The following NR5A1 variants were observed in gnomAD, a reference collection of about 807,000 sequenced individuals.
The protein encoded by NR5A1 is nuclear receptor subfamily 5 group A member 1.
Under a neutral mutation model 42.7 loss-of-function variants are expected in NR5A1, and 6 were observed. The ratio of observed to expected loss-of-function variants is 0.14; its 90% confidence interval spans 0.08 to 0.28. NR5A1 has a LOEUF of 0.28. NR5A1 is among the 10% of genes least tolerant of loss of function. The probability of loss-of-function intolerance (pLI) is 1.00; values close to 1 mark genes in which losing one functional copy is unlikely to be tolerated. For synonymous variants in NR5A1, 274 were observed against 277.5 expected (o/e 0.99, Z 0.12); for missense variants, 442 against 626.4 (o/e 0.71, Z 3.14).
In NR5A1 at chr9:124,496,197, CA is replaced by C. The variant is rs1224773859; in HGVS notation, c.871-3049del. On this transcript the variant is annotated intron_variant, in intron 4 of 6. Coordinates refer to ENST00000373588, the MANE Select transcript of NR5A1 (RefSeq NM_004959.5). The surrounding 1 kb of genome is among the most constrained non-coding windows in gnomAD (Gnocchi z 5.0). Reference sequence around the variant, plus strand: ...AGATGAGAATGCGCACACACACACACACACACACACAACCTCTTTTTATTTA... The same window carrying C: ...AGATGAGAATGCGCACACACACACACCACACACACAACCTCTTTTTATTTA... Among the ~76,000 whole-genome samples, 1 of 151,480 alleles carries C rather than the reference CA, an allele frequency of 6.6e-6. No homozygotes were observed. The highest frequency in any genetic ancestry group is 1.5e-5 in the Non-Finnish European group (1 of 68,024).
rs1564150329 is a variant in NR5A1 at position 124,493,125 on chromosome 9, G to T, written c.895C>A (p.Gln299Lys). 6.2e-7 allele frequency: 1 copy of T among 1,611,846 alleles called. No individual in the cohort carries two copies. The highest frequency in any genetic ancestry group is 8.5e-7 in the Non-Finnish European group (1 of 1,179,302). The change falls in exon 5 of 7, where the codon CAG becomes AAG. Residue 299 changes from glutamine to lysine, a missense_variant. Coordinates refer to ENST00000373588, the MANE Select transcript of NR5A1 (RefSeq NM_004959.5). ...ACCAGCAGCTCGCTCCAGCAGTTCT[G>T]CAGCAGCGTCATCTGGTCGGCCACC... ...LEVADQMTLL[Q>K]NCWSELLVFD...
In NR5A1 at chr9:124,500,362, G is replaced by C; in HGVS notation, c.598C>G (p.Pro200Ala). Residue 200 changes from proline (P) to alanine (A), a missense_variant, in exon 4 of 7, where the codon CCT becomes GCT. By Grantham distance (27) the Pro-to-Ala change is conservative. This residue lies in a region of NR5A1 where 208 missense variants were observed against 203.8 expected (regional missense o/e 1.02). Transcript: ENST00000373588. The surrounding 1 kb of genome is among the most constrained non-coding windows in gnomAD (Gnocchi z 6.9). ...CCAGGCTGTGGGGGGCTGGCATAAGGCTCCGGGTACTCAGACTTGATGGCA... is the reference window on the plus strand; with the variant it reads ...CCAGGCTGTGGGGGGCTGGCATAAGCCTCCGGGTACTCAGACTTGATGGCA... ...GRAIKSEYPE[P>A]YASPPQPGLP... 4.5e-6 allele frequency: 7 copies of C among 1,556,352 alleles called. No individual in the cohort carries two copies. Among genetic ancestry groups the C allele is most frequent in the Non-Finnish European group, 6.1e-6 (7 of 1,150,442 alleles).
chr9:124,491,036 C>CCCCCCCCCAGGGGG, intron 6 of NR5A1, 45 bp downstream of exon 6: 1 of 1,401,600 alleles, frequency 7.1e-7, no homozygotes, highest in Non-Finnish European at 9.6e-7. Flanking sequence ...CCCACCCACC[C>CCCCCCCCCAGGGGG]GCCTCTGGCT....
In NR5A1 at chr9:124,498,658, C is replaced by T. The variant is rs1029947853; in HGVS notation, c.870+1432G>A. Among the ~76,000 whole-genome samples, 1 of 152,232 alleles carries T rather than the reference C, an allele frequency of 6.6e-6. No homozygotes were observed. Among genetic ancestry groups the T allele is most frequent in the Non-Finnish European group, 1.5e-5 (1 of 68,038 alleles). On this transcript the variant is annotated intron_variant, in intron 4 of 6. Coordinates refer to ENST00000373588, the MANE Select transcript of NR5A1 (RefSeq NM_004959.5). This position sits in a 1 kb window ranked among gnomAD's most constrained non-coding sequence, Gnocchi z 4.6. ...CCCCACCAGGGCCTCCAGCCATGAG[C>T]AGAAGGCAGGTGGGAGTATTCAAGA...
intron 5 of NR5A1, 145 bp from the exon 6 acceptor site, chr9:124,491,373 C>G: frequency 3.1e-6 from 2 of 648,688 alleles, no homozygotes; most frequent in East Asian, 2.7e-5. Flanking sequence ...GCCTTGGTGC[C>G]GAGCCAGGCA....
intron 6 of NR5A1, among the ~76,000 whole-genome samples, chr9:124,484,329 C>T (rs1167550771): frequency 2.6e-5 from 4 of 152,132 alleles, no homozygotes; most frequent in South Asian, 4.1e-4. Context: ...CCCAAGGAGT[C>T]GTGTGCAATA....
intron 6 of NR5A1, among the ~76,000 whole-genome samples, chr9:124,483,388 G>A (rs1171000210): frequency 6.6e-6 from 1 of 152,228 alleles, no homozygotes; most frequent in Non-Finnish European, 1.5e-5. Context: ...TCCCTGGGCA[G>A]TTATTGAACC....
chr9:124,494,164 C>T (rs908675685), intron 4 of NR5A1, among the ~76,000 whole-genome samples: 5 of 152,242 alleles, frequency 3.3e-5, no homozygotes, highest in Admixed American at 2.6e-4. Flanking sequence ...ACCCAAAAGA[C>T]ACTTCTGGCG....
At chr9:124,490,319 T>C (rs1049085771) in intron 6 of NR5A1, among the ~76,000 whole-genome samples, 4 of 152,188 alleles carry the variant, frequency 2.6e-5, no homozygotes, top group Admixed American at 6.5e-5. Flanking sequence ...GGGACAGCTA[T>C]GTCCTCAGCA....
chr9:124,500,046 G>C lies in NR5A1; in HGVS notation c.870+44C>G. On this transcript the variant is annotated intron_variant, in intron 4 of 6. Transcript: ENST00000373588. This position sits in a 1 kb window ranked among gnomAD's most constrained non-coding sequence, Gnocchi z 6.9. ...GTCGGGCTAAGGCTTGGGCAGCCGG[G>C]AGGACCATGATGCAGGGCCAGCCGG... The C allele has an allele frequency of 6.2e-7, 1 of 1,612,938 alleles. No individual in the cohort carries two copies. The highest frequency in any genetic ancestry group is 1.1e-5 in the South Asian group (1 of 91,052).
chr9:124,501,415 G>A lies in NR5A1; in HGVS notation c.245-700C>T, dbSNP rs1359126798. ...GCTGGGGGAGGGGACCTCTCTTGCC[G>A]ACTAGAAGCTCCTCCGCCTGGCGAG... is the stretch of plus-strand genomic sequence containing the variant. On this transcript the variant is annotated intron_variant, in intron 3 of 6. Transcript: ENST00000373588. The surrounding 1 kb of genome is among the most constrained non-coding windows in gnomAD (Gnocchi z 4.1). 6.6e-6 allele frequency among the ~76,000 whole-genome samples: 1 copy of A among 152,226 alleles called. No individual in the cohort carries two copies. Among genetic ancestry groups the A allele is most frequent in the Admixed American group, 6.5e-5 (1 of 15,286 alleles).
At position 124,503,161 on chromosome 9, in the gene NR5A1, GCT is replaced by G; in HGVS notation, c.160_161del (p.Ser54LeufsTer32). 6.2e-7 allele frequency: 1 copy of G among 1,600,486 alleles called. No individual in the cohort carries two copies. Among genetic ancestry groups the G allele is most frequent in the Non-Finnish European group, 8.5e-7 (1 of 1,174,522 alleles). ...NKHYTCTESQ[S>X]CKIDKTQRKR... ...TGCGCTGCGTCTTGTCGATCTTGCA[GCT>G]CTGGCTCTCGGTGCACGTGTAGTGC... On this transcript the variant is annotated frameshift_variant, in exon 3 of 7. Coordinates refer to ENST00000373588, the MANE Select transcript of NR5A1 (RefSeq NM_004959.5). LOFTEE classifies it high-confidence loss of function. The surrounding 1 kb of genome is among the most constrained non-coding windows in gnomAD (Gnocchi z 9.6).
Position 124,500,605 on chromosome 9 carries a change from T to C in NR5A1, c.355A>G (p.Lys119Glu). 3 of 1,612,916 alleles carry C rather than the reference T, an allele frequency of 1.9e-6. No individual in the cohort carries two copies. Among genetic ancestry groups the C allele is most frequent in the Non-Finnish European group, 2.5e-6 (3 of 1,179,982 alleles). The change falls in exon 4 of 7, where the codon AAG becomes GAG. Residue 119 changes from lysine to glutamate, a missense_variant. Lys to Glu is a moderately conservative substitution (Grantham distance 56). Coordinates refer to ENST00000373588, the MANE Select transcript of NR5A1 (RefSeq NM_004959.5). This position sits in a 1 kb window ranked among gnomAD's most constrained non-coding sequence, Gnocchi z 6.9. ...KKAQIRANGF[K>E]LETGPPMGVP... The stretch of plus-strand genomic sequence containing the variant: ...CCCATCGGGGGCCCTGTCTCCAGCT[T>C]GAAGCCATTGGCCCGAATCTGTGCC...
At chr9:124,497,968 G>C (rs1002285984) in intron 4 of NR5A1, among the ~76,000 whole-genome samples, 1 of 152,102 alleles carries the variant, frequency 6.6e-6, no homozygotes. Flanking sequence ...TGGGCACCTC[G>C]CACTGGCATT....
rs1832397979 is a variant in NR5A1, at chr9:124,496,918, A to G, written c.870+3172T>C. Among the ~76,000 whole-genome samples the G allele has an allele frequency of 6.6e-6, 1 of 152,168 alleles. No homozygotes were observed. Among genetic ancestry groups the G allele is most frequent in the Admixed American group, 6.5e-5 (1 of 15,272 alleles). Reference sequence around the variant, plus strand: ...GAGGCTGACTGCCTGGGCCCTGGGCACTGCTGCCCACCAAGCAGCAGGTAC... The same window carrying G: ...GAGGCTGACTGCCTGGGCCCTGGGCGCTGCTGCCCACCAAGCAGCAGGTAC... On this transcript the variant is annotated intron_variant, in intron 4 of 6. Coordinates refer to ENST00000373588, the MANE Select transcript of NR5A1 (RefSeq NM_004959.5). This position sits in a 1 kb window ranked among gnomAD's most constrained non-coding sequence, Gnocchi z 5.0.
At chr9:124,486,812 G>A (rs550270607) in intron 6 of NR5A1, among the ~76,000 whole-genome samples, 2 of 152,316 alleles carry the variant, frequency 1.3e-5, no homozygotes, top group South Asian at 2.1e-4. Flanking sequence ...ACACGGGAGC[G>A]GGGTCAAACA....
At chr9:124,499,208 G>T (rs1216720222) in intron 4 of NR5A1, among the ~76,000 whole-genome samples, 1 of 152,208 alleles carries the variant, frequency 6.6e-6, no homozygotes, top group Non-Finnish European at 1.5e-5. Context: ...GGCACTGGAG[G>T]GGCAGTTCTG....
intron 5 of NR5A1, among the ~76,000 whole-genome samples, chr9:124,491,594 G>A (rs1377150479): frequency 1.3e-5 from 2 of 152,128 alleles, no homozygotes; most frequent in African/African-American, 2.4e-5. Flanking sequence ...GCAGGCCTGT[G>A]TGGGGACACA....
intron 4 of NR5A1, among the ~76,000 whole-genome samples, chr9:124,499,371 C>T (rs541476665): frequency 2.6e-5 from 4 of 152,312 alleles, no homozygotes; most frequent in South Asian, 2.1e-4. Flanking sequence ...AAGGCTGCCT[C>T]GCCAGGGAAG....
Sources: gnomAD v4.1 joint callset for allele counts (sites outside exome capture counted in the v4.1 genomes callset) on GRCh38, gnomAD v4.1.1 for gene constraint, gnomAD v4.1.1 regional missense constraint, Gnocchi (gnomAD v3.1) non-coding constraint, MANE v1.5 for transcripts, NCBI Gene and HGNC (gene_info 2026-07-23, HGNC 2026-07-21) for gene names.